Variants in SPATA21 observed in about 807,000 individuals in gnomAD.
The protein encoded by SPATA21 is spermatogenesis associated 21, also known as spermatogenesis-associated protein 21.
Under a neutral mutation model 54.8 loss-of-function variants are expected in SPATA21, and 47 were observed. The ratio of observed to expected loss-of-function variants is 0.86; its 90% CI spans 0.68 to 1.09. The LOEUF (loss-of-function observed/expected upper bound fraction) is 1.09. Ranked by LOEUF, SPATA21 falls within the 50% of genes least tolerant of loss-of-function variation. The pLI is 0.00. For synonymous variants in SPATA21, 245 were observed against 235.3 expected (o/e 1.04, Z -0.38); for missense variants, 599 against 596.4 (o/e 1.00, Z -0.05).
chr1:16,396,798 C>G (rs2085319342), downstream of SPATA21: 1 of 152,396 alleles, frequency 6.6e-6, no homozygotes, highest in African/African-American at 2.4e-5. Flanking sequence ...CACGTCCTCT[C>G]CTCCGGAGGA....
intron 2 of SPATA21, 29 bp downstream of exon 2, chr1:16,432,761 C>G (rs755859598): frequency 6.6e-6 from 1 of 152,326 alleles, no homozygotes; most frequent in Non-Finnish European, 1.5e-5. Context: ...ACCCCCATGC[C>G]CCTTCCTCCT....
rs990708393 is a variant in SPATA21, at chr1:16,409,300, G to T, written c.588-97C>A. 68 of 1,368,306 alleles carry T rather than the reference G, an allele frequency of 5.0e-5. 2 individuals are homozygous for T. The South Asian group carries it at 5.9e-4, about 12-fold the overall frequency. The allele number at this position is 1,368,306 out of a possible 1,614,324, so 84.8% of individuals were successfully genotyped here. A position where few individuals can be genotyped will look rare whatever the true frequency, so the allele number is the denominator to read the frequency against. ...GGGGGAGCCTGCAGGAGGAGGTCGT[G>T]GGGGAGGCTTTGGGGAGCCCGGAGA... is the stretch of plus-strand genomic sequence containing the variant. On this transcript the variant is annotated intron_variant, in intron 6 of 12. Coordinates refer to ENST00000335496, the MANE Select transcript of SPATA21 (RefSeq NM_198546.1). The surrounding 1 kb of genome is among the most constrained non-coding windows in gnomAD (Gnocchi z 4.1).
intron 5 of SPATA21, among the ~76,000 whole-genome samples, chr1:16,415,497 C>G (rs566047416): frequency 4.9e-4 from 74 of 152,230 alleles, no homozygotes; most frequent in Non-Finnish European, 9.7e-4. Context: ...GCCCCTGTTG[C>G]AGATACAGAC....
At chr1:16,408,967 T>A in intron 7 of SPATA21, 151 bp downstream of exon 7, 55 of 652,048 alleles carry the variant, frequency 8.4e-5, no homozygotes, top group Non-Finnish European at 1.1e-4. Context: ...CCCTGCCCCA[T>A]AGGCCAAGTG....
chr1:16,402,163 G>T (rs74055660), intron 10 of SPATA21, among the ~76,000 whole-genome samples: 3,145 of 149,934 alleles, frequency 0.021, 110 homozygotes, highest in African/African-American at 0.072. Context: ...GGGGAGTTAA[G>T]CACCTGTGGG....
Position 16,421,696 on chromosome 1 carries a change from A to G in SPATA21, c.96-139T>C, listed in dbSNP as rs933472096. 27 of 1,099,006 alleles carry G rather than the reference A, an allele frequency of 2.5e-5. No individual in the cohort carries two copies. Among genetic ancestry groups the G allele is most frequent in the Non-Finnish European group, 3.0e-5 (23 of 756,946 alleles). 68.1% of individuals were successfully genotyped at this position (1,099,006 alleles called of 1,614,324 possible). A position where few individuals can be genotyped will look rare whatever the true frequency, so the allele number is the denominator to read the frequency against. Reference sequence around the variant, plus strand: ...GCCTTCTCATCTCAGGGGGCTCCTTATGTCCCCACATCCTCATATATACAG... The same window carrying G: ...GCCTTCTCATCTCAGGGGGCTCCTTGTGTCCCCACATCCTCATATATACAG... On this transcript the variant is annotated intron_variant, in intron 4 of 12. Coordinates refer to ENST00000335496, the MANE Select transcript of SPATA21 (RefSeq NM_198546.1). The surrounding 1 kb of genome is among the most constrained non-coding windows in gnomAD (Gnocchi z 5.2).
At chr1:16,406,039 T>C (rs2085629775) in intron 7 of SPATA21, among the ~76,000 whole-genome samples, 1 of 152,172 alleles carries the variant, frequency 6.6e-6, no homozygotes, top group Admixed American at 6.5e-5. Context: ...TTAGCTGAGC[T>C]GTTGGCACTC....
intron 5 of SPATA21, among the ~76,000 whole-genome samples, chr1:16,418,336 A>T (rs1437995286): frequency 6.6e-6 from 1 of 151,940 alleles, no homozygotes; most frequent in Non-Finnish European, 1.5e-5. Flanking sequence ...CAGTGGCGTG[A>T]TCTCGGCTCA....
intron 7 of SPATA21, among the ~76,000 whole-genome samples, chr1:16,407,562 C>T (rs1472620421): frequency 1.3e-5 from 2 of 151,340 alleles, no homozygotes; most frequent in Non-Finnish European, 2.9e-5. Flanking sequence ...CAGGTTCAAG[C>T]GATTCTTGTG....
chr1:16,422,065 T>G, intron 3 of SPATA21, 94 bp from the exon 4 acceptor site: 1 of 1,605,282 alleles, frequency 6.2e-7, no homozygotes, highest in Non-Finnish European at 8.5e-7. Flanking sequence ...TGTGGCCTGA[T>G]GTGTGGGACA....
In SPATA21 at chr1:16,403,996, TG is replaced by T; in HGVS notation, c.854del (p.Thr285LysfsTer35). 1 of 1,566,700 alleles carries T rather than the reference TG, an allele frequency of 6.4e-7. No homozygotes were observed. Among genetic ancestry groups the T allele is most frequent in the South Asian group, 1.2e-5 (1 of 85,958 alleles). On this transcript the variant is annotated frameshift_variant, in exon 9 of 13. Transcript: ENST00000335496. LOFTEE classifies it high-confidence loss of function. ...VDFKDFLAVM[T>X]DTRRFFCSVE... Reference sequence around the variant, plus strand: ...CAGAGCAGAAGAAGCGCCTGGTGTCTGTCATCACAGCCAAGAAGTCTTTGAA... The same window carrying T: ...CAGAGCAGAAGAAGCGCCTGGTGTCTTCATCACAGCCAAGAAGTCTTTGAA...
chr1:16,410,814 G>A (rs1179393789), intron 5 of SPATA21: 1 of 405,386 alleles, frequency 2.5e-6, no homozygotes, highest in Non-Finnish European at 5.0e-6. Context: ...CCAAAGTGCT[G>A]GGATGACAAG....
At chr1:16,398,128 C>T (rs1229435584), downstream of SPATA21, 8 of 527,246 alleles carry the variant, frequency 1.5e-5, no homozygotes, top group Non-Finnish European at 1.9e-5. Flanking sequence ...ATTTTAAATA[C>T]ATGTTTTAAA....
chr1:16,415,571 T>A (rs925879411), intron 5 of SPATA21, among the ~76,000 whole-genome samples: 3 of 152,130 alleles, frequency 2.0e-5, no homozygotes, highest in Admixed American at 2.0e-4. Flanking sequence ...ATTATTATTC[T>A]TTTTTAGAGA....
chr1:16,399,247 ATC>A, intron 12 of SPATA21, 95 bp downstream of exon 12: 2 of 1,359,922 alleles, frequency 1.5e-6, no homozygotes, highest in Non-Finnish European at 2.0e-6. Flanking sequence ...CTCAGGTATG[ATC>A]TCTTAGAAAG....
intron 3 of SPATA21, chr1:16,425,674 C>T (rs1379139779): frequency 1.3e-6 from 2 of 1,550,236 alleles, no homozygotes; most frequent in African/African-American, 2.7e-5. Context: ...CACTCTGATC[C>T]TGGCCTGCTT....
At chr1:16,427,457 A>T (rs535614235) in intron 3 of SPATA21, among the ~76,000 whole-genome samples, 2 of 152,286 alleles carry the variant, frequency 1.3e-5, no homozygotes, top group South Asian at 2.1e-4. Flanking sequence ...GAAAAGTTTT[A>T]AAAAAACACA....
chr1:16,406,244 C>A (rs911355701), intron 7 of SPATA21, among the ~76,000 whole-genome samples: 2 of 152,116 alleles, frequency 1.3e-5, no homozygotes, highest in African/African-American at 4.8e-5. Context: ...CTCAGCCTCC[C>A]AAAGTGCTGG....
chr1:16,405,532 G>A (rs1039656317), intron 7 of SPATA21, among the ~76,000 whole-genome samples: 3 of 147,444 alleles, frequency 2.0e-5, no homozygotes, highest in African/African-American at 5.0e-5. Flanking sequence ...ATGGTGGTGT[G>A]CACCTGTAGT....
Sources: allele counts gnomAD v4.1 joint callset (sites outside exome capture counted in the v4.1 genomes callset), GRCh38; gene constraint gnomAD v4.1.1; non-coding constraint Gnocchi (gnomAD v3.1); transcripts MANE v1.5; gene names NCBI Gene and HGNC (gene_info 2026-07-23, HGNC 2026-07-21).